MYH10: variants seen among roughly 807,000 people sequenced by gnomAD.
The protein encoded by MYH10 is myosin-10.
Under a neutral mutation model 257.8 loss-of-function variants are expected in MYH10, and 55 were observed. The ratio of observed to expected loss-of-function variants is 0.21; its 90% confidence interval spans 0.17 to 0.27. The LOEUF is 0.27. Among genes scored for constraint, MYH10 ranks in the 10% least tolerant of loss-of-function variants. MYH10 has a pLI of 1.00. For synonymous variants in MYH10, 854 were observed against 921.7 expected, an observed-to-expected ratio of 0.93 and a Z score of 1.33; for missense variants, 1,631 against 2,500.6, an observed-to-expected ratio of 0.65 and a Z score of 7.42.
At chr17:8,563,411 G>A (rs757396911) in intron 7 of MYH10, among the ~76,000 whole-genome samples, 4 of 152,118 alleles carry the variant, frequency 2.6e-5, no homozygotes, top group Non-Finnish European at 5.9e-5. Context: ...CTTAAAAAAA[G>A]ATAAATACAT....
At chr17:8,478,547 G>C (rs373858578) in intron 40 of MYH10, 101 bp from the exon 41 acceptor site, 3 of 1,058,814 alleles carry the variant, frequency 2.8e-6, no homozygotes, top group Non-Finnish European at 4.3e-6. Context: ...ATGACACATG[G>C]TGGAGGCATT....
intron 2 of MYH10, among the ~76,000 whole-genome samples, chr17:8,605,511 C>A (rs918101614): frequency 7.4e-4 from 112 of 152,064 alleles, no homozygotes; most frequent in African/African-American, 2.7e-3. Context: ...TTTGAGAGGC[C>A]GAGGAGGGTG....
chr17:8,557,197 T>C (rs2082833215), intron 7 of MYH10, among the ~76,000 whole-genome samples: 1 of 152,158 alleles, frequency 6.6e-6, no homozygotes. Context: ...TACACCTCAA[T>C]AGTTGATTTT....
chr17:8,483,731 ACTT>A (rs928517517), intron 37 of MYH10, among the ~76,000 whole-genome samples: 2 of 152,234 alleles, frequency 1.3e-5, no homozygotes, highest in African/African-American at 4.8e-5. Flanking sequence ...AATGAAACAA[ACTT>A]CTCTCCTTTT....
In MYH10 at chr17:8,496,192, T is replaced by C. The variant is rs147759174; in HGVS notation, c.3952-951A>G. Among the ~76,000 whole-genome samples, 648 of 152,360 alleles carry C rather than the reference T, an allele frequency of 4.3e-3. 2 individuals are homozygous for C. Among genetic ancestry groups the C allele is most frequent in the African/African-American group, 0.015 (612 of 41,590 alleles). On this transcript the variant is annotated intron_variant, in intron 30 of 42. Transcript: ENST00000360416. ...TATAATTTTTGACGACAGTGGGTGC[T>C]GGGAAGACGCAGAGGGACGCAGAGG...
At chr17:8,476,686 A>G (rs952746505) in intron 42 of MYH10, among the ~76,000 whole-genome samples, 190 bp downstream of exon 42, 2 of 152,154 alleles carry the variant, frequency 1.3e-5, no homozygotes, top group African/African-American at 4.8e-5. Flanking sequence ...GGCAATGAAT[A>G]GGGCCGCCTC....
rs576439325 is a variant in MYH10 at position 8,630,714 on chromosome 17, T to G, written c.-92A>C. The G allele has an allele frequency of 1.3e-5, 2 of 152,950 alleles. No individual in the cohort carries two copies. Among genetic ancestry groups the G allele is most frequent in the Non-Finnish European group, 2.9e-5 (2 of 68,864 alleles). The allele number at this position is 152,950 out of a possible 1,614,324, so 9.5% of individuals were successfully genotyped here. A position where few individuals can be genotyped will look rare whatever the true frequency, so the allele number is the denominator to read the frequency against. ...CAGCCGCGACCACAGATCCAGCGCC[T>G]CAGTCCCAAACCCACCGCTGCCTCC... On this transcript the variant is annotated 5_prime_UTR_variant, in exon 1 of 43. Coordinates refer to ENST00000360416, the MANE Select transcript of MYH10 (RefSeq NM_001256012.3).
chr17:8,494,995 C>G (rs1196713022), intron 31 of MYH10, 142 bp downstream of exon 31: 1 of 610,846 alleles, frequency 1.6e-6, no homozygotes, highest in Non-Finnish European at 2.9e-6. Context: ...TCCCGAGTAG[C>G]AAGGCTGGCT....
At chr17:8,553,077 G>T (rs1295181045) in intron 8 of MYH10, among the ~76,000 whole-genome samples, 1 of 152,182 alleles carries the variant, frequency 6.6e-6, no homozygotes, top group Admixed American at 6.5e-5. Context: ...AATTCTGTAT[G>T]TGTCAGATAG....
At chr17:8,581,477 A>C (rs1337471647) in intron 4 of MYH10, among the ~76,000 whole-genome samples, 1 of 152,148 alleles carries the variant, frequency 6.6e-6, no homozygotes, top group African/African-American at 2.4e-5. Flanking sequence ...ACGTGTCCTT[A>C]AAGCATTTTT....
chr17:8,535,763 C>T lies in MYH10; in HGVS notation c.1774G>A (p.Gly592Arg). 6.2e-7 allele frequency: 1 copy of T among 1,613,370 alleles called. No homozygotes were observed. The highest frequency in any genetic ancestry group is 1.7e-4 in the Middle Eastern group (1 of 6,060). Residue 592 changes from glycine (G) to arginine (R), a missense_variant, in exon 15 of 43, where the codon GGG becomes AGG. Coordinates refer to ENST00000360416, the MANE Select transcript of MYH10 (RefSeq NM_001256012.3). The surrounding 1 kb of genome is among the most constrained non-coding windows in gnomAD (Gnocchi z 4.3). Reference sequence around the variant, plus strand: ...TTCAACATAAGAGCTCTTACCTTCCCTGCATAATGTATAATGCAAAAATCA... The same window carrying T: ...TTCAACATAAGAGCTCTTACCTTCCTTGCATAATGTATAATGCAAAAATCA... Reference protein sequence around the residue: ...KADFCIIHYAGKVDYKADEWL... With the variant: ...KADFCIIHYARKVDYKADEWL...
At chr17:8,483,284 A>T (rs1487291322) in intron 37 of MYH10, among the ~76,000 whole-genome samples, 1 of 152,192 alleles carries the variant, frequency 6.6e-6, no homozygotes, top group Non-Finnish European at 1.5e-5. Context: ...TGATGAGCTA[A>T]GTGTCCAACT....
intron 2 of MYH10, among the ~76,000 whole-genome samples, chr17:8,605,892 G>A (rs947047949): frequency 1.3e-5 from 2 of 152,120 alleles, no homozygotes; most frequent in African/African-American, 2.4e-5. Flanking sequence ...TGAGATTCCA[G>A]CTATGTTTGG....
chr17:8,573,111 T>C (rs1307695909), intron 6 of MYH10, among the ~76,000 whole-genome samples: 4 of 152,278 alleles, frequency 2.6e-5, no homozygotes, highest in African/African-American at 7.2e-5. Flanking sequence ...TAGAGTTATA[T>C]ACTGCTTTCA....
intron 6 of MYH10, among the ~76,000 whole-genome samples, chr17:8,571,367 G>A (rs2083336256): frequency 6.6e-6 from 1 of 150,960 alleles, no homozygotes; most frequent in Non-Finnish European, 1.5e-5. Flanking sequence ...GTAGAGACGG[G>A]GTTTCACCAT....
At chr17:8,566,559 G>A (rs2083173989) in intron 7 of MYH10, among the ~76,000 whole-genome samples, 6 of 151,928 alleles carry the variant, frequency 3.9e-5, no homozygotes. Context: ...AGAGCTACCT[G>A]AGGAAGATTT....
At chr17:8,533,287 G>C (rs956649088) in intron 16 of MYH10, among the ~76,000 whole-genome samples, 1 of 152,142 alleles carries the variant, frequency 6.6e-6, no homozygotes, top group East Asian at 1.9e-4. Flanking sequence ...AATTCCACTA[G>C]AGATGGGACA....
intron 4 of MYH10, 34 bp downstream of exon 4, chr17:8,589,047 C>A (rs781686126): frequency 9.3e-6 from 15 of 1,610,056 alleles, no homozygotes; most frequent in East Asian, 2.2e-5. Flanking sequence ...CCAAGAAAAT[C>A]AAAAACAAAT....
intron 4 of MYH10, among the ~76,000 whole-genome samples, chr17:8,584,548 C>T (rs1177654851): frequency 1.3e-5 from 2 of 152,188 alleles, no homozygotes; most frequent in African/African-American, 4.8e-5. Flanking sequence ...TGGATACACA[C>T]TGTTGAACCA....
Sources: gnomAD v4.1 joint callset for allele counts (sites outside exome capture counted in the v4.1 genomes callset) on GRCh38, gnomAD v4.1.1 for gene constraint, Gnocchi (gnomAD v3.1) non-coding constraint, MANE v1.5 for transcripts, NCBI Gene and HGNC (gene_info 2026-07-23, HGNC 2026-07-21) for gene names.